PRSS48: variants seen among roughly 807,000 people sequenced by gnomAD.
PRSS48 encodes serine protease 48, also known as epidermis-specific serine protease-like protein.
PRSS48 carries 21 observed loss-of-function variants against 25.6 expected under a neutral mutation model. That is an observed-to-expected ratio of 0.82 (90% CI 0.58 to 1.18). The LOEUF (loss-of-function observed/expected upper bound fraction) is 1.18, where lower values mean the gene tolerates loss of function less well. Ranked by LOEUF, PRSS48 falls within the 50% of genes most tolerant of loss-of-function variation. The pLI is 0.00. For synonymous variants in PRSS48, 150 were observed against 149.3 expected (o/e 1.00, Z -0.04); for missense variants, 373 against 399.3 (o/e 0.93, Z 0.56).
exon 5 of PRSS48, chr4:151,291,199 G>A: frequency 1.9e-6 from 3 of 1,613,842 alleles, no homozygotes; most frequent in Non-Finnish European, 2.5e-6. Context: ...ATTAGAATGT[G>A]GTAAATCTCT....
At chr4:151,287,499 T>C (rs1264046262) in intron 4 of PRSS48, among the ~76,000 whole-genome samples, 1 of 151,984 alleles carries the variant, frequency 6.6e-6, no homozygotes, top group Non-Finnish European at 1.5e-5. Flanking sequence ...TCCAACAACA[T>C]ATAAAAAGGA....
At chr4:151,279,762 G>A (rs536977448) in intron 1 of PRSS48, 34 bp from the exon 2 acceptor site, 1 of 1,607,966 alleles carries the variant, frequency 6.2e-7, no homozygotes, top group South Asian at 1.1e-5. Flanking sequence ...AGGACTCCTA[G>A]GTTTCCACAT....
intron 1 of PRSS48, among the ~76,000 whole-genome samples, chr4:151,279,430 C>T (rs1423303242): frequency 1.3e-5 from 2 of 152,132 alleles, no homozygotes; most frequent in Admixed American, 6.5e-5. Context: ...AAGATTCCCA[C>T]TAATAGGTAG....
chr4:151,278,173 A>G (rs1204273142), intron 1 of PRSS48, among the ~76,000 whole-genome samples: 1 of 152,202 alleles, frequency 6.6e-6, no homozygotes, highest in Non-Finnish European at 1.5e-5. Flanking sequence ...TGCAACCTCA[A>G]CCGCATCTGA....
chr4:151,286,899 G>C (rs571553256), intron 4 of PRSS48, among the ~76,000 whole-genome samples: 1 of 151,768 alleles, frequency 6.6e-6, no homozygotes, highest in Non-Finnish European at 1.5e-5. Flanking sequence ...AGAATCACTT[G>C]AATCTGGGAG....
At chr4:151,278,460 A>G (rs1223704091) in intron 1 of PRSS48, among the ~76,000 whole-genome samples, 2 of 151,436 alleles carry the variant, frequency 1.3e-5, no homozygotes, top group Non-Finnish European at 2.9e-5. Context: ...GAAGAAAAAA[A>G]AAACCCTGAC....
intron 4 of PRSS48, among the ~76,000 whole-genome samples, chr4:151,285,684 T>C (rs1450656666): frequency 4.0e-5 from 6 of 151,852 alleles, no homozygotes; most frequent in Non-Finnish European, 8.8e-5. Flanking sequence ...CTGGGCAACA[T>C]AGTGAGACCT....
chr4:151,279,876 CT>C lies in PRSS48; in HGVS notation c.134del (p.Leu45HisfsTer18). On this transcript the variant is annotated frameshift_variant, in exon 2 of 5. Transcript: ENST00000455694. LOFTEE classifies it high-confidence loss of function. The stretch of plus-strand genomic sequence containing the variant: ...AGGGCGCTGGCCTTGGCAGGTCAGC[CT>C]ACACTTTGACCACAACTTTATCTGT... 7.2e-7 allele frequency: 1 copy of C among 1,398,146 alleles called. No homozygotes were observed. Among genetic ancestry groups the C allele is most frequent in the Non-Finnish European group, 1.0e-6 (1 of 987,578 alleles). 86.6% of individuals were successfully genotyped at this position (1,398,146 alleles called of 1,614,324 possible).
intron 2 of PRSS48, 110 bp downstream of exon 2, chr4:151,280,068 G>T (rs1774057184): frequency 7.8e-7 from 1 of 1,274,238 alleles, no homozygotes; most frequent in South Asian, 1.4e-5. Context: ...CAGGGCGGAA[G>T]GAAACCCAGG....
At chr4:151,285,244 C>T (rs1438864640) in intron 4 of PRSS48, among the ~76,000 whole-genome samples, 2 of 152,098 alleles carry the variant, frequency 1.3e-5, no homozygotes, top group East Asian at 3.8e-4. Context: ...TTGTCAGAGA[C>T]AAGTCACTCC....
rs189114946 is a variant in PRSS48, at chr4:151,279,232, C to A, written c.53-564C>A. 6.8e-5 allele frequency: 14 copies of A among 205,604 alleles called. No individual in the cohort carries two copies. The East Asian group carries it at 2.4e-3, about 36-fold the overall frequency. 12.7% of individuals were successfully genotyped at this position (205,604 alleles called of 1,614,324 possible). On this transcript the variant is annotated intron_variant, in intron 1 of 4. Coordinates refer to ENST00000455694, the Ensembl canonical transcript of PRSS48. The stretch of plus-strand genomic sequence containing the variant: ...GAAAGAGAAATGTGGAAATCTTTTT[C>A]TTTTTCAATTTTTTTTTTAGAGACC...
chr4:151,283,210 TGC>T lies in PRSS48; in HGVS notation c.576_577del (p.Leu192PhefsTer16). The T allele has an allele frequency of 6.2e-7, 1 of 1,613,900 alleles. No homozygotes were observed. Among genetic ancestry groups the T allele is most frequent in the Non-Finnish European group, 8.5e-7 (1 of 1,179,834 alleles). On this transcript the variant is annotated frameshift_variant, in exon 4 of 5. Coordinates refer to ENST00000455694, the Ensembl canonical transcript of PRSS48. LOFTEE classifies it high-confidence loss of function. ...CTCTACAATCCCATCGGTATCTTCT[TGC>T]CAGCACTGGAGCCAGTCATCAAGGA...
intron 2 of PRSS48, among the ~76,000 whole-genome samples, chr4:151,281,703 C>T (rs184616152): frequency 1.1e-4 from 17 of 151,006 alleles, no homozygotes; most frequent in Non-Finnish European, 2.5e-4. Context: ...TTATTTTGTA[C>T]ATCTTATCAA....
At position 151,289,632 on chromosome 4, in the gene PRSS48, C is replaced by T. The variant is rs181495031; in HGVS notation, c.652-1486C>T. On this transcript the variant is annotated intron_variant, in intron 4 of 4. Transcript: ENST00000455694. ...ATATGCAAATGTAGAGAAATTGGAG[C>T]CTTCTAACACTGTTGGTGGTAATAT... is the stretch of plus-strand genomic sequence containing the variant. 9.9e-4 allele frequency among the ~76,000 whole-genome samples: 151 copies of T among 152,244 alleles called. 1 individual carries two copies. Among genetic ancestry groups the T allele is most frequent in the East Asian group, 5.0e-3 (26 of 5,188 alleles).
intron 2 of PRSS48, 110 bp from the exon 3 acceptor site, chr4:151,282,038 T>C (rs1309381207): frequency 8.2e-6 from 9 of 1,103,032 alleles, no homozygotes; most frequent in Non-Finnish European, 1.1e-5. Context: ...CCATGGTTAA[T>C]TCCCAGTTGG....
chr4:151,285,187 C>T (rs564599216), intron 4 of PRSS48, among the ~76,000 whole-genome samples: 1 of 152,284 alleles, frequency 6.6e-6, no homozygotes, highest in South Asian at 2.1e-4. Flanking sequence ...CAGAGAGTAG[C>T]CTTTTATATG....
chr4:151,279,983 CACAG>C, intron 2 of PRSS48, 25 bp downstream of exon 2: 1 of 1,346,896 alleles, frequency 7.4e-7, no homozygotes. Context: ...GCAGCTAACA[CACAG>C]ACAGGTTCTC....
exon 3 of PRSS48, chr4:151,282,413 G>C (rs1211213363): frequency 6.2e-7 from 1 of 1,613,616 alleles, no homozygotes; most frequent in Non-Finnish European, 8.5e-7. Flanking sequence ...GGAAAGTTCA[G>C]GTGAGAATGG....
intron 4 of PRSS48, among the ~76,000 whole-genome samples, chr4:151,285,251 C>T (rs527558879): frequency 1.3e-5 from 2 of 152,234 alleles, no homozygotes; most frequent in South Asian, 4.2e-4. Flanking sequence ...AGACAAGTCA[C>T]TCCCATAAGA....
Sources: allele counts gnomAD v4.1 joint callset (sites outside exome capture counted in the v4.1 genomes callset), GRCh38; gene constraint gnomAD v4.1.1; transcripts MANE v1.5; gene names NCBI Gene and HGNC (gene_info 2026-07-23, HGNC 2026-07-21).